The following AZIN2 variants were observed in gnomAD, a reference collection of about 807,000 sequenced individuals.
AZIN2 encodes ODC antizyme inhibitor-2.
A neutral mutation model predicts 47.8 loss-of-function variants in AZIN2; 28 were observed. That is an observed-to-expected ratio of 0.59 (90% CI 0.43 to 0.80). AZIN2 has a LOEUF of 0.80. Ranked by LOEUF, AZIN2 falls within the 30% of genes least tolerant of loss-of-function variation. The probability of loss-of-function intolerance (pLI) is 0.00; values close to 1 mark genes in which losing one functional copy is unlikely to be tolerated. For synonymous variants in AZIN2, 221 were observed against 239.4 expected (o/e 0.92, Z 0.71); for missense variants, 535 against 582.5 (o/e 0.92, Z 0.84).
the AZIN2 span, chr1:33,160,001 GGT>G: frequency 6.4e-7 from 1 of 1,572,696 alleles, no homozygotes; most frequent in Non-Finnish European, 8.6e-7. Context: ...GTGATCTCTG[GGT>G]GAGAGGAGGA....
At chr1:33,133,743 C>T in the AZIN2 span, among the ~76,000 whole-genome samples, 4 of 152,210 alleles carry the variant, frequency 2.6e-5, no homozygotes, top group South Asian at 2.1e-4. Context: ...GCAGCCTTGG[C>T]CCACACAACA....
intron 5 of AZIN2, among the ~76,000 whole-genome samples, chr1:33,086,134 T>G (rs1422205482): frequency 6.6e-6 from 1 of 152,166 alleles, no homozygotes; most frequent in Non-Finnish European, 1.5e-5. Flanking sequence ...CTTTGCTGAG[T>G]GTGTCTGTTG....
chr1:33,127,206 TG>T (rs1644862519), downstream of AZIN2, among the ~76,000 whole-genome samples: 1 of 152,220 alleles, frequency 6.6e-6, no homozygotes, highest in African/African-American at 2.4e-5. Flanking sequence ...CTCTCAGAAG[TG>T]GAAACGATTG....
chr1:33,159,700 G>T, the AZIN2 span: 1 of 1,608,264 alleles, frequency 6.2e-7, no homozygotes, highest in East Asian at 2.2e-5. This position sits in a 1 kb window ranked among gnomAD's most constrained non-coding sequence, Gnocchi z 4.2. Context: ...CTCGGACAGT[G>T]AGGCCACCCC....
At chr1:33,107,926 A>G (rs1003726634) in intron 10 of AZIN2, among the ~76,000 whole-genome samples, 1 of 152,234 alleles carries the variant, frequency 6.6e-6, no homozygotes, top group African/African-American at 2.4e-5. Context: ...GATTCAATGC[A>G]GTCCCTATCA....
chr1:33,103,434 C>T (rs1159464580), intron 10 of AZIN2, among the ~76,000 whole-genome samples: 1 of 152,156 alleles, frequency 6.6e-6, no homozygotes, highest in Non-Finnish European at 1.5e-5. Context: ...CTTCCACTCA[C>T]CCCTGAGACA....
chr1:33,105,175 T>G (rs371716701), intron 10 of AZIN2, among the ~76,000 whole-genome samples: 1 of 152,250 alleles, frequency 6.6e-6, no homozygotes, highest in South Asian at 2.1e-4. Flanking sequence ...ATCTCTAATT[T>G]ACAATGCTGT....
At chr1:33,100,525 G>T (rs997232644) in intron 10 of AZIN2, among the ~76,000 whole-genome samples, 3 of 152,016 alleles carry the variant, frequency 2.0e-5, no homozygotes, top group African/African-American at 7.3e-5. Flanking sequence ...CAGAGGAATT[G>T]TCTGTGCTTT....
the AZIN2 span, among the ~76,000 whole-genome samples, chr1:33,156,626 T>C: frequency 5.3e-5 from 8 of 152,204 alleles, no homozygotes; most frequent in Non-Finnish European, 8.8e-5. Flanking sequence ...CTGTCTTTTC[T>C]ATCCGCCCCC....
chr1:33,126,163 G>A (rs921433770), downstream of AZIN2, among the ~76,000 whole-genome samples: 2 of 152,034 alleles, frequency 1.3e-5, no homozygotes, highest in Non-Finnish European at 2.9e-5. Flanking sequence ...TTCACTGCTG[G>A]GTCCACAGTG....
chr1:33,154,478 T>C, the AZIN2 span, among the ~76,000 whole-genome samples: 1 of 152,204 alleles, frequency 6.6e-6, no homozygotes, highest in East Asian at 1.9e-4. Context: ...GAACCATCTT[T>C]AGATCTTTTT....
At chr1:33,100,629 GA>G (rs1184539354) in intron 10 of AZIN2, among the ~76,000 whole-genome samples, 1 of 151,882 alleles carries the variant, frequency 6.6e-6, no homozygotes, top group Admixed American at 6.6e-5. Context: ...GAAAAGTACA[GA>G]ACAAATATTA....
chr1:33,117,787 C>T, intron 10 of AZIN2, 115 bp from the exon 11 acceptor site: 2 of 1,140,350 alleles, frequency 1.8e-6, no homozygotes, highest in Non-Finnish European at 2.7e-6. Flanking sequence ...AGCTAGGAGG[C>T]CCATCTAGAC....
the AZIN2 span, among the ~76,000 whole-genome samples, chr1:33,154,078 G>C: frequency 9.2e-5 from 14 of 152,338 alleles, no homozygotes; most frequent in East Asian, 7.7e-4. Context: ...ATTGTGTAGA[G>C]GGCTGCAGCC....
rs182530146 is a variant in AZIN2 at position 33,122,933 on chromosome 1, C to T, written c.*2751C>T. ...CATCCTCCACTCAGCAGCCAGATGCCGTACCTCCTGGGATTCCGTTTCACC... is the reference window on the plus strand; with the variant it reads ...CATCCTCCACTCAGCAGCCAGATGCTGTACCTCCTGGGATTCCGTTTCACC... On this transcript the variant is annotated 3_prime_UTR_variant, in exon 12 of 12. Coordinates refer to ENST00000294517, the MANE Select transcript of AZIN2 (RefSeq NM_052998.4). 5.9e-5 allele frequency among the ~76,000 whole-genome samples: 9 copies of T among 152,292 alleles called. No homozygotes were observed. Among genetic ancestry groups the T allele is most frequent in the Non-Finnish European group, 1.2e-4 (8 of 68,030 alleles).
At chr1:33,103,506 T>C (rs1643864403) in intron 10 of AZIN2, among the ~76,000 whole-genome samples, 1 of 152,212 alleles carries the variant, frequency 6.6e-6, no homozygotes. Context: ...AGGCCTTTCC[T>C]GACTGCCCTC....
At chr1:33,152,937 G>A in the AZIN2 span, among the ~76,000 whole-genome samples, 1 of 151,970 alleles carries the variant, frequency 6.6e-6, no homozygotes. Flanking sequence ...TGGCCTGGCT[G>A]AGGAGGCAGT....
intron 5 of AZIN2, among the ~76,000 whole-genome samples, chr1:33,091,388 T>G (rs1056370974): frequency 6.6e-6 from 1 of 152,132 alleles, no homozygotes; most frequent in Non-Finnish European, 1.5e-5. Flanking sequence ...TACAGGCATG[T>G]ACTACCAAGC....
chr1:33,097,845 T>C (rs1240220153), intron 9 of AZIN2, among the ~76,000 whole-genome samples: 1 of 152,130 alleles, frequency 6.6e-6, no homozygotes, highest in East Asian at 1.9e-4. Context: ...GGGGAGTGCA[T>C]CCTGGGCAGG....
Sources: allele counts gnomAD v4.1 joint callset (sites outside exome capture counted in the v4.1 genomes callset), GRCh38; gene constraint gnomAD v4.1.1; non-coding constraint Gnocchi (gnomAD v3.1); transcripts MANE v1.5; gene names NCBI Gene and HGNC (gene_info 2026-07-23, HGNC 2026-07-21).